Variants in DLG2 observed in about 807,000 individuals in gnomAD.
DLG2 encodes discs large MAGUK scaffold protein 2, also known as disks large homolog 2.
In DLG2, 45 loss-of-function variants were observed where a neutral mutation model predicts 132.5. The ratio of observed to expected loss-of-function variants is 0.34; its 90% confidence interval spans 0.27 to 0.44. The LOEUF is 0.44. DLG2 is among the 20% of genes least tolerant of loss of function. The pLI is 1.00. For synonymous variants in DLG2, 424 were observed against 419.6 expected (o/e 1.01, Z -0.13); for missense variants, 1,045 against 1,196.9 (o/e 0.87, Z 1.87).
intron 6 of DLG2, among the ~76,000 whole-genome samples, chr11:84,584,549 G>A (rs2099524451): frequency 6.7e-6 from 1 of 150,374 alleles, no homozygotes; most frequent in South Asian, 2.1e-4. Flanking sequence ...ATAGAGATGG[G>A]TTCCTGCTAT....
At chr11:85,230,254 T>G (rs1443932728) in intron 4 of DLG2, among the ~76,000 whole-genome samples, 1 of 152,008 alleles carries the variant, frequency 6.6e-6, no homozygotes, top group Non-Finnish European at 1.5e-5. Flanking sequence ...TACATTAAAT[T>G]TTTACAATAA....
chr11:85,405,886 G>C (rs1265863130), intron 3 of DLG2, among the ~76,000 whole-genome samples: 3 of 151,910 alleles, frequency 2.0e-5, no homozygotes, highest in African/African-American at 7.2e-5. Context: ...TCTCATTAAG[G>C]AAATAGATCA....
Position 85,021,893 on chromosome 11 carries a change from C to A in DLG2, c.357+89768G>T, listed in dbSNP as rs542842585. Among the ~76,000 whole-genome samples the A allele has an allele frequency of 1.8e-4, 28 of 152,154 alleles. No homozygotes were observed. In the South Asian group the frequency reaches 3.9e-3, roughly 21 times the overall value. On this transcript the variant is annotated intron_variant, in intron 6 of 27. Transcript: ENST00000376104. ...GTCATGGAACTATACAAAATTTTAT[C>A]ATTTATTATGTCACAAAAAATTAGT...
At chr11:83,813,128 A>G (rs1222946673) in intron 17 of DLG2, among the ~76,000 whole-genome samples, 2 of 152,158 alleles carry the variant, frequency 1.3e-5, no homozygotes, top group African/African-American at 4.8e-5. Context: ...AAGTTTGCAC[A>G]TCTAGTTGAT....
At chr11:84,795,829 G>GT (rs1218801571) in intron 6 of DLG2, among the ~76,000 whole-genome samples, 3 of 152,046 alleles carry the variant, frequency 2.0e-5, no homozygotes, top group African/African-American at 7.2e-5. Context: ...ATGTTCCCCG[G>GT]TGCCCACCGT....
intron 6 of DLG2, among the ~76,000 whole-genome samples, chr11:85,039,739 AC>A (rs1216958718): frequency 6.6e-6 from 1 of 151,814 alleles, no homozygotes; most frequent in African/African-American, 2.4e-5. Context: ...CCTCCTCATC[AC>A]CTTACTCTCT....
At chr11:84,959,957 G>T (rs1215567711) in intron 6 of DLG2, among the ~76,000 whole-genome samples, 1 of 152,156 alleles carries the variant, frequency 6.6e-6, no homozygotes, top group Non-Finnish European at 1.5e-5. Flanking sequence ...TGTGGGAGTG[G>T]TAATTCTGAA....
intron 21 of DLG2, among the ~76,000 whole-genome samples, chr11:83,511,087 G>GACACACAC (rs60156321): frequency 0.052 from 7,232 of 138,502 alleles, 250 homozygotes; most frequent in Middle Eastern, 0.11. Context: ...CACACACACA[G>GACACACAC]ACACACACAC....
chr11:83,903,424 G>C (rs1241717498), intron 15 of DLG2, among the ~76,000 whole-genome samples: 1 of 152,126 alleles, frequency 6.6e-6, no homozygotes, highest in Middle Eastern at 3.4e-3. Context: ...CCTTCTCTCT[G>C]GGTAGAATTT....
At chr11:83,798,987 T>C (rs1009260383) in intron 17 of DLG2, among the ~76,000 whole-genome samples, 1 of 152,224 alleles carries the variant, frequency 6.6e-6, no homozygotes, top group Non-Finnish European at 1.5e-5. Flanking sequence ...CCCTGTGTTG[T>C]AAATTTAATT....
chr11:85,318,948 C>T (rs910389433), intron 3 of DLG2, among the ~76,000 whole-genome samples: 12 of 151,800 alleles, frequency 7.9e-5, no homozygotes, highest in African/African-American at 2.9e-4. Flanking sequence ...ACAAATAAAG[C>T]CATCACTAAC....
At position 83,631,448 on chromosome 11, in the gene DLG2, C is replaced by T. The variant is rs75887747; in HGVS notation, c.1940+1763G>A. 1.7e-4 allele frequency: 26 copies of T among 151,966 alleles called. 1 individual carries two copies. In the East Asian group the frequency reaches 5.0e-3, roughly 29 times the overall value. The allele number at this position is 151,966 out of a possible 1,614,324, so 9.4% of individuals were successfully genotyped here. ...TATGAAATGTCAAGTATTTTTGAGT[C>T]TCATTAAAAAGAGGTTCCTCCTTTC... On this transcript the variant is annotated intron_variant, in intron 19 of 27. Coordinates refer to ENST00000376104, the MANE Select transcript of DLG2 (RefSeq NM_001142699.3).
intron 14 of DLG2, among the ~76,000 whole-genome samples, chr11:83,931,613 G>A (rs1330075744): frequency 6.6e-6 from 1 of 152,036 alleles, no homozygotes; most frequent in Non-Finnish European, 1.5e-5. Context: ...GTTTCTCTTT[G>A]AAAATATTTT....
At chr11:84,677,756 A>C (rs2099717418) in intron 6 of DLG2, among the ~76,000 whole-genome samples, 1 of 151,998 alleles carries the variant, frequency 6.6e-6, no homozygotes, top group Admixed American at 6.6e-5. Flanking sequence ...AGCTGGGTGC[A>C]GTAGCATGCA....
chr11:85,009,109 A>G (rs1286701883), intron 6 of DLG2, among the ~76,000 whole-genome samples: 1 of 152,056 alleles, frequency 6.6e-6, no homozygotes, highest in East Asian at 1.9e-4. Context: ...CTAGAGGAAA[A>G]GGTAAGGTCA....
intron 4 of DLG2, among the ~76,000 whole-genome samples, chr11:85,161,533 A>C (rs1490937195): frequency 6.6e-6 from 1 of 152,136 alleles, no homozygotes; most frequent in East Asian, 1.9e-4. Context: ...ATAGACAGTT[A>C]CTCCGGATAT....
intron 7 of DLG2, among the ~76,000 whole-genome samples, chr11:84,501,510 G>A (rs2099205235): frequency 6.6e-6 from 1 of 152,140 alleles, no homozygotes. Context: ...ACGGTGGAGT[G>A]AGCTGAGATC....
intron 18 of DLG2, among the ~76,000 whole-genome samples, chr11:83,644,842 C>A (rs980513014): frequency 6.6e-6 from 1 of 152,068 alleles, no homozygotes; most frequent in Non-Finnish European, 1.5e-5. Flanking sequence ...TTGGAATTGT[C>A]ACTTAAGTGA....
intron 6 of DLG2, among the ~76,000 whole-genome samples, chr11:84,894,461 T>G (rs768006852): frequency 1.3e-5 from 2 of 152,144 alleles, no homozygotes; most frequent in Non-Finnish European, 2.9e-5. Flanking sequence ...GCGTGTAATT[T>G]AGTATACATA....
Sources: gnomAD v4.1 joint callset for allele counts (sites outside exome capture counted in the v4.1 genomes callset) on GRCh38, gnomAD v4.1.1 for gene constraint, MANE v1.5 for transcripts, NCBI Gene and HGNC (gene_info 2026-07-23, HGNC 2026-07-21) for gene names.